The following PIK3CA variants were observed in gnomAD, a reference collection of about 807,000 sequenced individuals.
PIK3CA encodes phosphatidylinositol-4,5-bisphosphate 3-kinase catalytic subunit alpha, also known as phosphatidylinositol 4,5-bisphosphate 3-kinase catalytic subunit alpha isoform.
PIK3CA carries 27 observed loss-of-function variants against 138.2 expected under a neutral mutation model. The ratio of observed to expected loss-of-function variants is 0.20; its 90% CI spans 0.14 to 0.27. PIK3CA has a LOEUF of 0.27. Among genes scored for constraint, PIK3CA ranks in the 10% least tolerant of loss-of-function variants. PIK3CA has a pLI of 1.00. For missense variants in PIK3CA, 544 were observed against 1,277.4 expected, an observed-to-expected ratio of 0.43 and a Z score of 8.75; for synonymous variants, 358 against 413.2, an observed-to-expected ratio of 0.87 and a Z score of 1.62.
chr3:179,156,692 A>G (rs550632674), intron 1 of PIK3CA, among the ~76,000 whole-genome samples: 6 of 152,276 alleles, frequency 3.9e-5, no homozygotes, highest in African/African-American at 1.4e-4. Flanking sequence ...ACTTTTGAAT[A>G]TTTTTTAACC....
chr3:179,228,530 TC>T (rs1725136542), intron 17 of PIK3CA, among the ~76,000 whole-genome samples: 1 of 152,072 alleles, frequency 6.6e-6, no homozygotes, highest in African/African-American at 2.4e-5. Flanking sequence ...ATTATAATAC[TC>T]CTTCTTTTTC....
At chr3:179,191,462 A>G (rs1576928571) in intron 1 of PIK3CA, among the ~76,000 whole-genome samples, 2 of 152,336 alleles carry the variant, frequency 1.3e-5, no homozygotes, top group Middle Eastern at 6.8e-3. Context: ...AAATAACTAG[A>G]AAATACAAGC....
intron 1 of PIK3CA, among the ~76,000 whole-genome samples, chr3:179,170,066 AC>A (rs1723515681): frequency 9.3e-6 from 1 of 107,504 alleles, no homozygotes; most frequent in African/African-American, 2.9e-5. Context: ...GCGCGTGCAC[AC>A]GCGCGCGCGC....
chr3:179,232,910 C>T (rs1725246038), intron 20 of PIK3CA, among the ~76,000 whole-genome samples: 1 of 151,888 alleles, frequency 6.6e-6, no homozygotes, highest in African/African-American at 2.4e-5. Context: ...CAGGCTAGAG[C>T]GTAGTGGTGC....
intron 1 of PIK3CA, among the ~76,000 whole-genome samples, chr3:179,177,336 G>C (rs899459987): frequency 1.4e-5 from 2 of 140,552 alleles, no homozygotes; most frequent in African/African-American, 2.6e-5. Flanking sequence ...TTTTTGAGAT[G>C]GAGTCTCACT....
intron 1 of PIK3CA, among the ~76,000 whole-genome samples, chr3:179,178,943 A>G (rs972820216): frequency 6.6e-6 from 1 of 152,204 alleles, no homozygotes; most frequent in Admixed American, 6.5e-5. Context: ...CCCTCTGCTC[A>G]GCGCACACCC....
At chr3:179,148,654 G>C (rs1201141758) in intron 1 of PIK3CA, 51 bp downstream of exon 1, 1 of 152,346 alleles carries the variant, frequency 6.6e-6, no homozygotes, top group Non-Finnish European at 1.5e-5. Flanking sequence ...AATGGGGACC[G>C]GGTGGGTGCC....
In PIK3CA at chr3:179,236,362, G is replaced by C; in HGVS notation, c.*1998G>C. 4.7e-6 allele frequency: 1 copy of C among 210,568 alleles called. No homozygotes were observed. Among genetic ancestry groups the C allele is most frequent in the Non-Finnish European group, 9.6e-6 (1 of 103,734 alleles). The allele number at this position is 210,568 out of a possible 1,614,324, so 13.0% of individuals were successfully genotyped here. ...AGCAGGAAACCAGAAAGATTATTTTGCAGTTGTAGAAGATTTCATAACTTA... is the reference window on the plus strand; with the variant it reads ...AGCAGGAAACCAGAAAGATTATTTTCCAGTTGTAGAAGATTTCATAACTTA... On this transcript the variant is annotated 3_prime_UTR_variant, in exon 21 of 21. Transcript: ENST00000263967.
chr3:179,201,819 G>A (rs866858289), intron 4 of PIK3CA, among the ~76,000 whole-genome samples: 22 of 151,912 alleles, frequency 1.4e-4, no homozygotes, highest in African/African-American at 5.3e-4. Flanking sequence ...TGTTATCTAG[G>A]ATAGTCTTGA....
Position 179,203,539 on chromosome 3 carries a change from T to TA in PIK3CA, c.814-4dup. Reference sequence around the variant, plus strand: ...GAAATGGCTCGCCCCCTTAATCTCTTACAGTATATAAGAAGCTGTATAATG... The same window carrying TA: ...GAAATGGCTCGCCCCCTTAATCTCTTAACAGTATATAAGAAGCTGTATAATG... On this transcript the variant is annotated splice_polypyrimidine_tract_variant and splice_region_variant and intron_variant, in intron 4 of 20. Coordinates refer to ENST00000263967, the MANE Select transcript of PIK3CA (RefSeq NM_006218.4). The TA allele has an allele frequency of 6.2e-7, 1 of 1,608,106 alleles. No individual in the cohort carries two copies. The highest frequency in any genetic ancestry group is 1.1e-5 in the South Asian group (1 of 90,396).
In PIK3CA at chr3:179,237,906, T is replaced by A. The variant is rs2108432991; in HGVS notation, c.*3542T>A. ...ACTGCAGACCTGGGCTGGACCCACA[T>A]ACTCAAGAGTCCACCTTAAGAAATT... On this transcript the variant is annotated 3_prime_UTR_variant, in exon 21 of 21. Coordinates refer to ENST00000263967, the MANE Select transcript of PIK3CA (RefSeq NM_006218.4). 4.8e-6 allele frequency: 1 copy of A among 209,974 alleles called. No individual in the cohort carries two copies. The highest frequency in any genetic ancestry group is 7.1e-5 in the East Asian group (1 of 14,104). The allele number at this position is 209,974 out of a possible 1,614,324, so 13.0% of individuals were successfully genotyped here. A position where few individuals can be genotyped will look rare whatever the true frequency, so the allele number is the denominator to read the frequency against.
At chr3:179,194,351 G>A (rs2108381485) in intron 1 of PIK3CA, among the ~76,000 whole-genome samples, 1 of 152,208 alleles carries the variant, frequency 6.6e-6, no homozygotes, top group Non-Finnish European at 1.5e-5. Flanking sequence ...AGCCTCCTGA[G>A]TACCTGGGAC....
At chr3:179,160,005 T>G (rs1220328802) in intron 1 of PIK3CA, among the ~76,000 whole-genome samples, 3 of 152,294 alleles carry the variant, frequency 2.0e-5, no homozygotes, top group Admixed American at 6.5e-5. Flanking sequence ...AAGTGAAGCT[T>G]GCAAGACTAG....
chr3:179,192,603 C>CT (rs922233076), intron 1 of PIK3CA, among the ~76,000 whole-genome samples: 16 of 152,204 alleles, frequency 1.1e-4, no homozygotes, highest in African/African-American at 3.6e-4. Flanking sequence ...GATCAGCAAA[C>CT]TTTTTTTCTG....
In PIK3CA at chr3:179,198,946, A is replaced by G. The variant is rs1225779973; in HGVS notation, c.121A>G (p.Thr41Ala). 2 of 1,611,584 alleles carry G rather than the reference A, an allele frequency of 1.2e-6. No homozygotes were observed. The highest frequency in any genetic ancestry group is 1.7e-6 in the Non-Finnish European group (2 of 1,177,968). ...IVTLECLREA[T>A]LITIKHELFK... ...GACTTTAGAATGCCTCCGTGAGGCTACATTAATAACCATAAAGCATGAACT... is the reference window on the plus strand; with the variant it reads ...GACTTTAGAATGCCTCCGTGAGGCTGCATTAATAACCATAAAGCATGAACT... The change falls in exon 2 of 21, where the codon ACA (threonine) becomes GCA (alanine). Residue 41 changes from threonine (T) to alanine (A), a missense_variant. Thr to Ala is a moderately conservative substitution (Grantham distance 58). Around this residue, in one of 14 missense-constraint regions of PIK3CA, gnomAD observed 47 missense variants for 84.0 expected, o/e 0.56. Coordinates refer to ENST00000263967, the MANE Select transcript of PIK3CA (RefSeq NM_006218.4).
chr3:179,200,063 T>C (rs142528765), intron 3 of PIK3CA, among the ~76,000 whole-genome samples, 164 bp downstream of exon 3: 35 of 152,122 alleles, frequency 2.3e-4, no homozygotes, highest in African/African-American at 7.9e-4. Flanking sequence ...AAATAGAAAT[T>C]ATGTACAATC....
At chr3:179,153,016 C>T (rs1484295584) in intron 1 of PIK3CA, among the ~76,000 whole-genome samples, 1 of 151,942 alleles carries the variant, frequency 6.6e-6, no homozygotes, top group Non-Finnish European at 1.5e-5. Context: ...AAAAAGGAAA[C>T]AAAATTAAGG....
chr3:179,221,194 C>T lies in PIK3CA; in HGVS notation c.2187+37C>T, dbSNP rs185934527. On this transcript the variant is annotated intron_variant, in intron 14 of 20. Coordinates refer to ENST00000263967, the MANE Select transcript of PIK3CA (RefSeq NM_006218.4). ...TAGTTTGTGTTTGAGACTCTTTTCA[C>T]TGCAGTGGGGCAGAGTTGTTTAGAA... 3.3e-6 allele frequency: 5 copies of T among 1,502,586 alleles called. No homozygotes were observed. In the Admixed American group the frequency reaches 5.0e-5, roughly 15 times the overall value. 93.1% of individuals were successfully genotyped at this position (1,502,586 alleles called of 1,614,324 possible).
At chr3:179,208,982 T>C (rs1477472628) in intron 6 of PIK3CA, among the ~76,000 whole-genome samples, 3 of 142,826 alleles carry the variant, frequency 2.1e-5, no homozygotes, top group Non-Finnish European at 4.5e-5. Context: ...ATTATATATA[T>C]AAATATATAG....
Sources: allele counts gnomAD v4.1 joint callset (sites outside exome capture counted in the v4.1 genomes callset), GRCh38; gene constraint gnomAD v4.1.1; regional missense constraint gnomAD v4.1.1; transcripts MANE v1.5; gene names NCBI Gene and HGNC (gene_info 2026-07-23, HGNC 2026-07-21).